The following ZNF451 variants were observed in gnomAD, a reference collection of about 807,000 sequenced individuals.
The protein encoded by ZNF451 is zinc finger protein 451, also known as E3 SUMO-protein ligase ZNF451.
In ZNF451, 80 loss-of-function variants were observed where a neutral mutation model predicts 107.1. That is an observed-to-expected ratio of 0.75 (90% CI 0.62 to 0.90). The LOEUF (loss-of-function observed/expected upper bound fraction) is 0.90. ZNF451 is among the 40% of genes least tolerant of loss of function. The pLI is 0.00. For missense variants in ZNF451, 1,107 were observed against 1,236.2 expected (o/e 0.90, Z 1.57); for synonymous variants, 362 against 406.5 (o/e 0.89, Z 1.32).
chr6:57,153,497 C>T (rs1593166114), intron 12 of ZNF451, among the ~76,000 whole-genome samples: 1 of 151,728 alleles, frequency 6.6e-6, no homozygotes. Context: ...TTCTGCCTCC[C>T]GAGTTCAAGT....
chr6:57,102,860 C>G, intron 3 of ZNF451: 1 of 985,424 alleles, frequency 1.0e-6, no homozygotes, highest in Non-Finnish European at 1.2e-6. Flanking sequence ...ACCATACCAT[C>G]ACTACTCATA....
intron 3 of ZNF451, among the ~76,000 whole-genome samples, chr6:57,114,645 T>G (rs1386655427): frequency 6.6e-6 from 1 of 152,168 alleles, no homozygotes; most frequent in Admixed American, 6.5e-5. Context: ...TCCTTCTAGA[T>G]GCAGCATTTC....
chr6:57,124,866 G>A lies in ZNF451; in HGVS notation c.312+7G>A, dbSNP rs1830852348. 6.6e-7 allele frequency: 1 copy of A among 1,523,948 alleles called. No individual in the cohort carries two copies. Among genetic ancestry groups the A allele is most frequent in the African/African-American group, 1.4e-5 (1 of 71,548 alleles). 94.4% of individuals were successfully genotyped at this position (1,523,948 alleles called of 1,614,324 possible). On this transcript the variant is annotated splice_region_variant and intron_variant, in intron 4 of 14. Coordinates refer to ENST00000370706, the MANE Select transcript of ZNF451 (RefSeq NM_001031623.3). The stretch of plus-strand genomic sequence containing the variant: ...GAAGAATAGAGCATTCAGAGTATGT[G>A]CTATTTTAATTGGTATTTTATATAA...
intron 3 of ZNF451, chr6:57,104,921 G>C: frequency 5.1e-6 from 5 of 985,354 alleles, no homozygotes; most frequent in Non-Finnish European, 4.8e-6. Flanking sequence ...AATAGGGATG[G>C]GGACAGAATG....
At chr6:57,107,478 T>TTTAA in intron 3 of ZNF451, 1 of 985,272 alleles carries the variant, frequency 1.0e-6, no homozygotes, top group Non-Finnish European at 1.2e-6. Context: ...TGCTACCTTG[T>TTTAA]TTAATGGTAG....
Position 57,154,175 on chromosome 6 carries a change from T to A in ZNF451, c.3070+128T>A, listed in dbSNP as rs1593167011. The A allele has an allele frequency of 6.2e-6, 5 of 802,870 alleles. No homozygotes were observed. In the East Asian group the frequency reaches 1.3e-4, roughly 21 times the overall value. 49.7% of individuals were successfully genotyped at this position (802,870 alleles called of 1,614,324 possible). On this transcript the variant is annotated intron_variant, in intron 13 of 14. Coordinates refer to ENST00000370706, the MANE Select transcript of ZNF451 (RefSeq NM_001031623.3). ...CTAAACCATCATGTTCTCTTACTTC[T>A]ATCTTACTTATCTTTTTTAAAAAAA...
intron 9 of ZNF451, among the ~76,000 whole-genome samples, chr6:57,144,001 A>C (rs1831923500): frequency 6.6e-6 from 1 of 152,142 alleles, no homozygotes; most frequent in Non-Finnish European, 1.5e-5. Flanking sequence ...GAATAGGGAA[A>C]TCTGTAGACA....
In ZNF451 at chr6:57,133,195, A is replaced by G. The variant is rs1831265264; in HGVS notation, c.575+3A>G. 1.9e-6 allele frequency: 3 copies of G among 1,613,002 alleles called. No individual in the cohort carries two copies. Among genetic ancestry groups the G allele is most frequent in the South Asian group, 1.1e-5 (1 of 90,874 alleles). ...CTTCTCTTAGGACATTTGAAAAGGT[A>G]AGTAGGATATTCATAATAGTGAATG... On this transcript the variant is annotated splice_donor_region_variant and intron_variant, in intron 6 of 14. Transcript: ENST00000370706.
At chr6:57,100,838 A>G in intron 3 of ZNF451, 1 of 1,548,046 alleles carries the variant, frequency 6.5e-7, no homozygotes, top group Non-Finnish European at 8.7e-7. Context: ...AAATCATCAC[A>G]GAATTTTCAG....
Position 57,128,951 on chromosome 6 carries a change from T to C in ZNF451, c.424+111T>C, listed in dbSNP as rs373214240. The C allele has an allele frequency of 1.1e-4, 78 of 718,490 alleles. 1 individual carries two copies. Among genetic ancestry groups the C allele is most frequent in the Admixed American group, 5.0e-4 (15 of 30,056 alleles). 44.5% of individuals were successfully genotyped at this position (718,490 alleles called of 1,614,324 possible). On this transcript the variant is annotated intron_variant, in intron 5 of 14. Transcript: ENST00000370706. ...AAGCATATAAGATATTAAATTTTGT[T>C]TCAGTGATACTAATATCACCTCATA... is the stretch of plus-strand genomic sequence containing the variant.
At chr6:57,121,662 A>G (rs1830645350) in intron 3 of ZNF451, among the ~76,000 whole-genome samples, 1 of 152,198 alleles carries the variant, frequency 6.6e-6, no homozygotes, top group Non-Finnish European at 1.5e-5. Context: ...ATACCTAGGA[A>G]TACACCTAAC....
chr6:57,100,692 C>G, intron 3 of ZNF451: 1 of 1,550,486 alleles, frequency 6.4e-7, no homozygotes, highest in South Asian at 1.2e-5. Flanking sequence ...TTGGAGATAG[C>G]AGCTCCTTCT....
intron 3 of ZNF451, chr6:57,102,245 A>T (rs1829641472): frequency 7.3e-7 from 1 of 1,378,418 alleles, no homozygotes; most frequent in Non-Finnish European, 9.3e-7. Context: ...TGAATTCTAG[A>T]CTTTTGAAAT....
intron 3 of ZNF451, chr6:57,100,908 A>G (rs1046695649): frequency 1.9e-6 from 3 of 1,550,762 alleles, no homozygotes; most frequent in Non-Finnish European, 1.7e-6. Flanking sequence ...CTGAGGTCAA[A>G]GAGAATTTAC....
At chr6:57,103,040 T>C (rs911400293) in intron 3 of ZNF451, 1 of 985,440 alleles carries the variant, frequency 1.0e-6, no homozygotes. Flanking sequence ...TTAATTCTTT[T>C]GAGCTTGATA....
intron 14 of ZNF451, among the ~76,000 whole-genome samples, chr6:57,161,413 G>A (rs1562630994): frequency 6.6e-6 from 1 of 152,120 alleles, no homozygotes; most frequent in African/African-American, 2.4e-5. Context: ...ATACATTTAA[G>A]TATTGTCTAT....
intron 3 of ZNF451, chr6:57,102,299 C>T: frequency 7.9e-7 from 1 of 1,272,890 alleles, no homozygotes; most frequent in Non-Finnish European, 9.9e-7. Flanking sequence ...GCCAAGTGAG[C>T]AGTGGAGACT....
At chr6:57,155,279 A>G (rs2127984418) in intron 13 of ZNF451, among the ~76,000 whole-genome samples, 1 of 152,318 alleles carries the variant, frequency 6.6e-6, no homozygotes, top group Non-Finnish European at 1.5e-5. Flanking sequence ...TGAGGTCAGA[A>G]GTTCAAGACC....
chr6:57,131,573 T>C (rs1447873767), intron 5 of ZNF451, among the ~76,000 whole-genome samples: 1 of 152,230 alleles, frequency 6.6e-6, no homozygotes, highest in Admixed American at 6.6e-5. Context: ...GTCCATTATT[T>C]GTTGTCAGAA....
Sources: gnomAD v4.1 joint callset for allele counts (sites outside exome capture counted in the v4.1 genomes callset) on GRCh38, gnomAD v4.1.1 for gene constraint, MANE v1.5 for transcripts, NCBI Gene and HGNC (gene_info 2026-07-23, HGNC 2026-07-21) for gene names.